The following ESCO1 variants were observed in gnomAD, a reference collection of about 807,000 sequenced individuals.
The protein encoded by ESCO1 is establishment of sister chromatid cohesion N-acetyltransferase 1.
A neutral mutation model predicts 83.5 loss-of-function variants in ESCO1; 33 were observed. The observed-to-expected ratio is 0.40, with a 90% CI of 0.30 to 0.53. The LOEUF (loss-of-function observed/expected upper bound fraction) is 0.53, where lower values mean the gene tolerates loss of function less well. Among genes scored for constraint, ESCO1 ranks in the 20% least tolerant of loss-of-function variants. The pLI is 0.63. For missense variants in ESCO1, 855 were observed against 968.0 expected (o/e 0.88, Z 1.55); for synonymous variants, 332 against 324.3 (o/e 1.02, Z -0.25).
chr18:21,579,964 T>C (rs12953538), intron 2 of ESCO1, among the ~76,000 whole-genome samples: 1 of 150,320 alleles, frequency 6.7e-6, no homozygotes, highest in African/African-American at 2.4e-5. Context: ...GGCGCAATCT[T>C]GGCTCACTGC....
intron 2 of ESCO1, among the ~76,000 whole-genome samples, chr18:21,576,584 T>C (rs2038421256): frequency 6.6e-6 from 1 of 152,194 alleles, no homozygotes; most frequent in African/African-American, 2.4e-5. Flanking sequence ...GATAAAAATT[T>C]AGAAGTACAG....
chr18:21,564,385 A>G, intron 6 of ESCO1, 68 bp from the exon 7 acceptor site: 2 of 1,094,590 alleles, frequency 1.8e-6, no homozygotes, highest in Middle Eastern at 2.4e-4. Flanking sequence ...AGGGGAAAAA[A>G]TAACTTATTT....
At position 21,573,582 on chromosome 18, in the gene ESCO1, C is replaced by T. The variant is rs2038371243; in HGVS notation, c.1262G>A (p.Ser421Asn). ...VSPKLGLLRT[S>N]FSPPALEMHH... ...CATTTCTAAAGCTGGTGGTGAAAAA[C>T]TGGTTCGTAATAAGCCTAATTTAGG... Residue 421 changes from serine (S) to asparagine (N), a missense_variant, in exon 4 of 12, where the codon AGT (serine) becomes AAT (asparagine). This residue lies in a region of ESCO1 where 726 missense variants were observed against 699.5 expected (regional missense o/e 1.04). Coordinates refer to ENST00000269214, the MANE Select transcript of ESCO1 (RefSeq NM_052911.3). 6.2e-7 allele frequency: 1 copy of T among 1,613,972 alleles called. No individual in the cohort carries two copies. The highest frequency in any genetic ancestry group is 1.3e-5 in the African/African-American group (1 of 74,902).
intron 4 of ESCO1, among the ~76,000 whole-genome samples, chr18:21,572,328 GTT>G (rs2038352117): frequency 6.6e-6 from 1 of 152,090 alleles, no homozygotes; most frequent in Non-Finnish European, 1.5e-5. Context: ...CTGCTTATTG[GTT>G]TTATATATTA....
intron 8 of ESCO1, among the ~76,000 whole-genome samples, chr18:21,559,739 A>G (rs1568100514): frequency 1.3e-5 from 2 of 152,234 alleles, no homozygotes; most frequent in South Asian, 2.1e-4. Context: ...GAAAAAGTAC[A>G]AATTTCAAAT....
chr18:21,540,083 C>T (rs1431111543), intron 8 of ESCO1, 74 bp from the exon 9 acceptor site: 8 of 1,263,108 alleles, frequency 6.3e-6, no homozygotes, highest in South Asian at 3.1e-5. Flanking sequence ...ATTATATCCA[C>T]GTACAAGATA....
At chr18:21,578,002 G>GA (rs1257438495) in intron 2 of ESCO1, among the ~76,000 whole-genome samples, 1 of 152,078 alleles carries the variant, frequency 6.6e-6, no homozygotes, top group Non-Finnish European at 1.5e-5. Context: ...AAGCCCTAGA[G>GA]AAAATACCTA....
intron 1 of ESCO1, among the ~76,000 whole-genome samples, chr18:21,594,448 C>T (rs557494221): frequency 3.0e-4 from 46 of 152,276 alleles, no homozygotes; most frequent in African/African-American, 1.0e-3. Context: ...TAAGGTAACC[C>T]AAGTATTTCT....
intron 1 of ESCO1, among the ~76,000 whole-genome samples, chr18:21,587,931 A>C (rs1358777887): frequency 6.6e-6 from 1 of 151,816 alleles, no homozygotes; most frequent in African/African-American, 2.4e-5. Context: ...ACAAAATAAA[A>C]CACAAGGTGC....
intron 8 of ESCO1, among the ~76,000 whole-genome samples, chr18:21,553,443 TTTTATTAAAAA>T (rs2038070225): frequency 1.1e-5 from 1 of 90,054 alleles, no homozygotes; most frequent in African/African-American, 4.1e-5. Context: ...CCATTTCTAT[TTTTATTAAAAA>T]AAAAAAAAAA....
intron 8 of ESCO1, among the ~76,000 whole-genome samples, chr18:21,559,886 A>G (rs2038160875): frequency 6.6e-6 from 1 of 152,216 alleles, no homozygotes; most frequent in South Asian, 2.1e-4. Flanking sequence ...CCAAAAAAGT[A>G]AAAACTCACC....
chr18:21,582,287 T>C (rs1598475953), intron 2 of ESCO1, among the ~76,000 whole-genome samples: 1 of 151,700 alleles, frequency 6.6e-6, no homozygotes, highest in Non-Finnish European at 1.5e-5. Context: ...TGGAGTGCAA[T>C]GGTGCAATCT....
intron 6 of ESCO1, among the ~76,000 whole-genome samples, chr18:21,565,766 C>T (rs2038251268): frequency 6.6e-6 from 1 of 151,990 alleles, no homozygotes; most frequent in Admixed American, 6.6e-5. Context: ...GCAAGACCTT[C>T]TCTCTAAAAA....
chr18:21,538,065 T>A (rs1219988410), intron 9 of ESCO1, among the ~76,000 whole-genome samples: 1 of 151,874 alleles, frequency 6.6e-6, no homozygotes. Flanking sequence ...ATGTAGATAC[T>A]AGTTTAAGTA....
At chr18:21,565,608 A>G (rs2038249294) in intron 6 of ESCO1, among the ~76,000 whole-genome samples, 1 of 152,226 alleles carries the variant, frequency 6.6e-6, no homozygotes, top group Non-Finnish European at 1.5e-5. Context: ...AACCACGGTA[A>G]AGTCACACAA....
chr18:21,576,498 T>C (rs1333832711), intron 2 of ESCO1, among the ~76,000 whole-genome samples: 1 of 152,022 alleles, frequency 6.6e-6, no homozygotes, highest in Non-Finnish European at 1.5e-5. Context: ...GTGAGACCCA[T>C]ATCTAAAAAT....
rs566155133 is a variant in ESCO1, at chr18:21,584,829, A to G, written c.-824-389T>C. ...CAGTGACACCCCCATCTCAACAACAACAACAAAAAGCCTGTGATGATTTTT... is the reference window on the plus strand; with the variant it reads ...CAGTGACACCCCCATCTCAACAACAGCAACAAAAAGCCTGTGATGATTTTT... On this transcript the variant is annotated intron_variant, in intron 1 of 11. Coordinates refer to ENST00000269214, the MANE Select transcript of ESCO1 (RefSeq NM_052911.3). Among the ~76,000 whole-genome samples the G allele has an allele frequency of 3.9e-5, 6 of 152,134 alleles. No individual in the cohort carries two copies. The East Asian group carries it at 1.2e-3, about 29-fold the overall frequency.
chr18:21,573,635 C>T lies in ESCO1; in HGVS notation c.1209G>A (p.Gln403=). The change falls in exon 4 of 12, where the codon CAG becomes CAA. Residue 403 remains glutamine (Q), a synonymous_variant. Coordinates refer to ENST00000269214, the MANE Select transcript of ESCO1 (RefSeq NM_052911.3). ...AAACTTGAGAGTCCAACTTATTGTG[C>T]TGCACAGAGTTAAATTTTGAGAGTT... ...KIKLSKFNSV[Q]HNKLDSQVSP... 5.6e-6 allele frequency: 9 copies of T among 1,614,152 alleles called. No individual in the cohort carries two copies. Among genetic ancestry groups the T allele is most frequent in the Non-Finnish European group, 7.6e-6 (9 of 1,180,022 alleles).
rs762140752 is a variant in ESCO1 at position 21,574,883 on chromosome 18, G to C, written c.-40C>G. Reference sequence around the variant, plus strand: ...TTTCTTTTCTGAGTAGTTTTGAAGAGGATTTTTGTGTCCTGGTAGGCGTGA... The same window carrying C: ...TTTCTTTTCTGAGTAGTTTTGAAGACGATTTTTGTGTCCTGGTAGGCGTGA... On this transcript the variant is annotated 5_prime_UTR_variant, in exon 4 of 12. Coordinates refer to ENST00000269214, the MANE Select transcript of ESCO1 (RefSeq NM_052911.3). 4 of 1,490,356 alleles carry C rather than the reference G, an allele frequency of 2.7e-6. No individual in the cohort carries two copies. The highest frequency in any genetic ancestry group is 2.3e-5 in the Admixed American group (1 of 43,004). 92.3% of individuals were successfully genotyped at this position (1,490,356 alleles called of 1,614,324 possible). A position where few individuals can be genotyped will look rare whatever the true frequency, so the allele number is the denominator to read the frequency against.
Sources: allele counts gnomAD v4.1 joint callset (sites outside exome capture counted in the v4.1 genomes callset), GRCh38; gene constraint gnomAD v4.1.1; regional missense constraint gnomAD v4.1.1; transcripts MANE v1.5; gene names NCBI Gene and HGNC (gene_info 2026-07-23, HGNC 2026-07-21).